The following MGST1 variants were observed in gnomAD, a reference collection of about 807,000 sequenced individuals.
MGST1 encodes glutathione S-transferase 12.
A neutral mutation model predicts 8.9 loss-of-function variants in MGST1; 5 were observed. The observed-to-expected ratio is 0.56, with a 90% CI of 0.29 to 1.19. MGST1 has a LOEUF of 1.19. Ranked by LOEUF, MGST1 falls within the 50% of genes most tolerant of loss-of-function variation. The pLI is 0.08. For synonymous variants in MGST1, 54 were observed against 67.8 expected, an observed-to-expected ratio of 0.80 and a Z score of 1.00; for missense variants, 182 against 187.4, an observed-to-expected ratio of 0.97 and a Z score of 0.17.
chr12:16,449,354 G>A (rs548641557), intron 4 of MGST1, among the ~76,000 whole-genome samples: 1 of 151,932 alleles, frequency 6.6e-6, no homozygotes, highest in Non-Finnish European at 1.5e-5. Context: ...ATCACCAAGA[G>A]GATGGTGCTA....
At chr12:16,529,924 T>A (rs1256573234) in intron 4 of MGST1, among the ~76,000 whole-genome samples, 1 of 152,112 alleles carries the variant, frequency 6.6e-6, no homozygotes, top group African/African-American at 2.4e-5. Flanking sequence ...ATTAACTATC[T>A]TAGTCACCCA....
At chr12:16,556,578 A>G (rs927930791) in intron 4 of MGST1, among the ~76,000 whole-genome samples, 1 of 152,248 alleles carries the variant, frequency 6.6e-6, no homozygotes, top group African/African-American at 2.4e-5. Context: ...TTAGACGTCA[A>G]TAAAGTTTGC....
At position 16,490,134 on chromosome 12, in the gene MGST1, G is replaced by A. The variant is rs1336025929; in HGVS notation, n.483-99394G>A. The stretch of plus-strand genomic sequence containing the variant: ...AAAAAGTAGCTGGGCATGATAGCAT[G>A]TGCCTATAGTCCTAGCTACTCAGGA... On this transcript the variant is annotated intron_variant and non_coding_transcript_variant, in intron 4 of 4. Transcript: ENST00000538857. Among the ~76,000 whole-genome samples the A allele has an allele frequency of 2.0e-5, 3 of 152,078 alleles. No individual in the cohort carries two copies. The East Asian group carries it at 5.8e-4, about 29-fold the overall frequency.
intron 4 of MGST1, among the ~76,000 whole-genome samples, chr12:16,455,239 G>C (rs902776707): frequency 6.6e-6 from 1 of 151,850 alleles, no homozygotes; most frequent in Non-Finnish European, 1.5e-5. Flanking sequence ...GTTTCAGGCT[G>C]TTCTAAATAG....
At chr12:16,449,146 C>A (rs1393635188) in intron 4 of MGST1, among the ~76,000 whole-genome samples, 1 of 151,832 alleles carries the variant, frequency 6.6e-6, no homozygotes, top group Non-Finnish European at 1.5e-5. Context: ...AGAAAAGAGG[C>A]TTAATTGGCC....
intron 1 of MGST1, among the ~76,000 whole-genome samples, chr12:16,411,287 T>C (rs1418162689): frequency 6.6e-6 from 1 of 152,130 alleles, no homozygotes; most frequent in Non-Finnish European, 1.5e-5. Flanking sequence ...ACTTGGGTCA[T>C]TGAAGGTAGT....
chr12:16,395,802 TATACACAC>T (rs1294252527), intron 1 of MGST1, among the ~76,000 whole-genome samples: 2,184 of 135,782 alleles, frequency 0.016, 127 homozygotes, highest in African/African-American at 0.06. Flanking sequence ...TATATATATA[TATACACAC>T]ACACACACAC....
Position 16,560,993 on chromosome 12 carries a change from T to C in MGST1, n.483-28535T>C, listed in dbSNP as rs1158092235. Among the ~76,000 whole-genome samples the C allele has an allele frequency of 6.6e-6, 1 of 152,162 alleles. No homozygotes were observed. Among genetic ancestry groups the C allele is most frequent in the East Asian group, 1.9e-4 (1 of 5,200 alleles). ...GTTTGCCATTATTATTAAAAATACA[T>C]TTATGAAGAAGCCATTTAAATAGTC... On this transcript the variant is annotated intron_variant and non_coding_transcript_variant, in intron 4 of 4. Coordinates refer to the MGST1 transcript ENST00000538857. This position sits in a 1 kb window ranked among gnomAD's most constrained non-coding sequence, Gnocchi z 5.0.
At chr12:16,390,763 A>G (rs1202512159) in intron 1 of MGST1, among the ~76,000 whole-genome samples, 1 of 152,104 alleles carries the variant, frequency 6.6e-6, no homozygotes, top group Non-Finnish European at 1.5e-5. Flanking sequence ...GAGTGCTGCA[A>G]TGAACATTCA....
At chr12:16,394,418 C>G (rs1940581843) in intron 1 of MGST1, among the ~76,000 whole-genome samples, 1 of 150,842 alleles carries the variant, frequency 6.6e-6, no homozygotes, top group Non-Finnish European at 1.5e-5. Context: ...TTCTTTCTCA[C>G]TCTCTTCCTC....
At position 16,559,265 on chromosome 12, in the gene MGST1, C is replaced by T. The variant is rs1165791697; in HGVS notation, n.483-30263C>T. 6.6e-6 allele frequency among the ~76,000 whole-genome samples: 1 copy of T among 152,074 alleles called. No homozygotes were observed. Among genetic ancestry groups the T allele is most frequent in the Non-Finnish European group, 1.5e-5 (1 of 67,996 alleles). On this transcript the variant is annotated intron_variant and non_coding_transcript_variant, in intron 4 of 4. Transcript: ENST00000538857. The surrounding 1 kb of genome is among the most constrained non-coding windows in gnomAD (Gnocchi z 4.1). ...TACGTACATTTTAATGTTCTAAAAT[C>T]CTCTCCATTTATCATATAAAACAGG...
rs77042673 is a variant in MGST1, at chr12:16,435,051, A to G, written n.779-2337A>G. Among the ~76,000 whole-genome samples the G allele has an allele frequency of 9.2e-3, 1,400 of 152,088 alleles. 79 individuals are homozygous for G. The East Asian group carries it at 0.17, about 18-fold the overall frequency. ...TCATAAGAATATTCATCTTTTAAAC[A>G]AGAAGTTTGTTTTTTTAAAATATTC... On this transcript the variant is annotated intron_variant and non_coding_transcript_variant, in intron 1 of 1. Transcript: ENST00000359720.
At chr12:16,533,355 C>T (rs992082079) in intron 4 of MGST1, among the ~76,000 whole-genome samples, 9 of 152,114 alleles carry the variant, frequency 5.9e-5, no homozygotes, top group African/African-American at 1.9e-4. Context: ...GAATCAGCAT[C>T]GCCTGTAGCC....
chr12:16,423,129 T>C (rs2137085638), intron 1 of MGST1, among the ~76,000 whole-genome samples: 2 of 152,326 alleles, frequency 1.3e-5, no homozygotes, highest in East Asian at 1.9e-4. Flanking sequence ...AGGGCTCATC[T>C]TACTTTTTTC....
chr12:16,449,035 G>A (rs1191950269), intron 4 of MGST1, among the ~76,000 whole-genome samples: 1 of 151,958 alleles, frequency 6.6e-6, no homozygotes, highest in Non-Finnish European at 1.5e-5. Flanking sequence ...GAATAATGAT[G>A]CTATGCAGTC....
downstream of MGST1, among the ~76,000 whole-genome samples, chr12:16,590,850 G>A (rs1315611615): frequency 1.3e-5 from 2 of 151,978 alleles, no homozygotes; most frequent in African/African-American, 4.8e-5. Context: ...AGATCATCAC[G>A]TGACCAAATC....
intron 4 of MGST1, among the ~76,000 whole-genome samples, chr12:16,545,073 A>C (rs1941815465): frequency 6.6e-6 from 1 of 152,100 alleles, no homozygotes; most frequent in Non-Finnish European, 1.5e-5. Flanking sequence ...AGTATATTTA[A>C]AAAATGGCCC....
At chr12:16,374,018 A>T (rs547324876) in intron 3 of MGST1, among the ~76,000 whole-genome samples, 23 of 152,252 alleles carry the variant, frequency 1.5e-4, no homozygotes, top group African/African-American at 5.5e-4. Context: ...TTGAGGTTTT[A>T]AAGTCCCTTT....
At chr12:16,460,913 C>G (rs1941213644) in intron 4 of MGST1, among the ~76,000 whole-genome samples, 1 of 151,982 alleles carries the variant, frequency 6.6e-6, no homozygotes. Flanking sequence ...AAGCAAGAAG[C>G]TTTCTGGGTA....
Sources: gnomAD v4.1 joint callset for allele counts (sites outside exome capture counted in the v4.1 genomes callset) on GRCh38, gnomAD v4.1.1 for gene constraint, Gnocchi (gnomAD v3.1) non-coding constraint, MANE v1.5 for transcripts, NCBI Gene and HGNC (gene_info 2026-07-23, HGNC 2026-07-21) for gene names.